The following CNTNAP2 variants were observed in gnomAD, a reference collection of about 807,000 sequenced individuals.
CNTNAP2 encodes the protein contactin-associated protein-like 2.
Under a neutral mutation model 155.2 loss-of-function variants are expected in CNTNAP2, and 98 were observed. The ratio of observed to expected loss-of-function variants is 0.63; its 90% confidence interval spans 0.54 to 0.75. CNTNAP2 has a LOEUF of 0.75. Among genes scored for constraint, CNTNAP2 ranks in the 30% least tolerant of loss-of-function variants. The pLI, the probability that CNTNAP2 is intolerant of heterozygous loss-of-function variation, is 0.00. For missense variants in CNTNAP2, 1,727 were observed against 1,688.1 expected, an observed-to-expected ratio of 1.02 and a Z score of -0.40; for synonymous variants, 651 against 631.2, an observed-to-expected ratio of 1.03 and a Z score of -0.47.
Position 146,755,146 on chromosome 7 carries a change from T to G in CNTNAP2, c.98-19125T>G, listed in dbSNP as rs181202610. The stretch of plus-strand genomic sequence containing the variant: ...TGAGGATGTAATTGGAATTTGTGCC[T>G]GTAAACCTATAAGCTCCAATCCTAA... On this transcript the variant is annotated intron_variant, in intron 1 of 23. Transcript: ENST00000361727. Among the ~76,000 whole-genome samples the G allele has an allele frequency of 1.2e-3, 177 of 152,116 alleles. 1 individual carries two copies. Among genetic ancestry groups the G allele is most frequent in the Non-Finnish European group, 2.9e-4 (20 of 67,870 alleles).
intron 20 of CNTNAP2, among the ~76,000 whole-genome samples, chr7:148,245,657 C>A (rs1796248483): frequency 1.3e-5 from 2 of 152,170 alleles, no homozygotes; most frequent in Non-Finnish European, 2.9e-5. Context: ...GGTTCAAGGT[C>A]TGCAGACTCC....
chr7:146,317,436 G>C (rs4141649), intron 1 of CNTNAP2, among the ~76,000 whole-genome samples: 9,017 of 152,180 alleles, frequency 0.059, 749 homozygotes, highest in African/African-American at 0.18. Context: ...GTACCTGAGA[G>C]TGTTTTTTCC....
intron 1 of CNTNAP2, among the ~76,000 whole-genome samples, chr7:146,211,607 T>C (rs529442089): frequency 6.6e-6 from 1 of 152,136 alleles, no homozygotes; most frequent in African/African-American, 2.4e-5. Flanking sequence ...ACAGAATTTT[T>C]AAAGAGATAT....
chr7:146,405,710 G>C (rs553691309), intron 1 of CNTNAP2, among the ~76,000 whole-genome samples: 1 of 152,136 alleles, frequency 6.6e-6, no homozygotes, highest in African/African-American at 2.4e-5. Context: ...CAAATATTCA[G>C]AATTATCAGG....
intron 15 of CNTNAP2, among the ~76,000 whole-genome samples, chr7:148,081,799 A>T (rs1474972250): frequency 1.3e-5 from 2 of 151,934 alleles, no homozygotes; most frequent in African/African-American, 4.8e-5. Context: ...ATTTTTCCCG[A>T]GCATATGATA....
intron 1 of CNTNAP2, among the ~76,000 whole-genome samples, chr7:146,585,979 T>C (rs1298376545): frequency 6.6e-6 from 1 of 151,456 alleles, no homozygotes; most frequent in Non-Finnish European, 1.5e-5. Flanking sequence ...AACTCCAGCC[T>C]GGGTGACAAA....
intron 3 of CNTNAP2, among the ~76,000 whole-genome samples, chr7:146,869,807 G>A (rs1403210480): frequency 2.0e-5 from 3 of 152,086 alleles, no homozygotes. Flanking sequence ...GCTTTTTCTA[G>A]TTGCACTGTC....
At chr7:146,670,929 C>A (rs1259496931) in intron 1 of CNTNAP2, among the ~76,000 whole-genome samples, 1 of 152,158 alleles carries the variant, frequency 6.6e-6, no homozygotes, top group African/African-American at 2.4e-5. Context: ...AACCCCATTC[C>A]CTTAATATTA....
chr7:146,903,343 C>G (rs921591916), intron 3 of CNTNAP2, among the ~76,000 whole-genome samples: 2 of 152,106 alleles, frequency 1.3e-5, no homozygotes, highest in African/African-American at 4.8e-5. Flanking sequence ...TAACTCTACC[C>G]CAGATCTGTC....
chr7:147,993,636 A>G (rs1801753165), intron 15 of CNTNAP2, among the ~76,000 whole-genome samples: 1 of 152,218 alleles, frequency 6.6e-6, no homozygotes, highest in African/African-American at 2.4e-5. Flanking sequence ...TCCACTCTGA[A>G]CTTTAGATGG....
chr7:148,067,229 C>T (rs772914368), intron 15 of CNTNAP2, among the ~76,000 whole-genome samples: 3 of 152,140 alleles, frequency 2.0e-5, no homozygotes, highest in Admixed American at 6.5e-5. Flanking sequence ...TTTGGGTAGA[C>T]CATTTCAGAG....
At chr7:146,708,097 A>G (rs1373230832) in intron 1 of CNTNAP2, among the ~76,000 whole-genome samples, 1 of 152,178 alleles carries the variant, frequency 6.6e-6, no homozygotes, top group African/African-American at 2.4e-5. Context: ...ACAAGACTCT[A>G]TAAAAAATAC....
chr7:146,232,254 T>C (rs1466543230), intron 1 of CNTNAP2, among the ~76,000 whole-genome samples: 1 of 149,604 alleles, frequency 6.7e-6, no homozygotes, highest in African/African-American at 2.4e-5. Context: ...ATGCCCTGAA[T>C]GCCTGTATGT....
At chr7:147,895,709 C>T (rs1240787170) in intron 13 of CNTNAP2, among the ~76,000 whole-genome samples, 1 of 152,160 alleles carries the variant, frequency 6.6e-6, no homozygotes, top group Non-Finnish European at 1.5e-5. Context: ...AGCCAATTAA[C>T]AGGTAAATAA....
chr7:147,208,284 G>A (rs1402814315), intron 8 of CNTNAP2, among the ~76,000 whole-genome samples: 4 of 151,914 alleles, frequency 2.6e-5, no homozygotes, highest in Non-Finnish European at 5.9e-5. Context: ...TTTTGCCTCA[G>A]GTTTCCTAAA....
At chr7:146,224,352 G>A (rs916341216) in intron 1 of CNTNAP2, among the ~76,000 whole-genome samples, 4 of 151,816 alleles carry the variant, frequency 2.6e-5, no homozygotes, top group African/African-American at 9.7e-5. Context: ...TAATACAATA[G>A]CGATTATGAC....
At chr7:146,624,685 T>G (rs890676002) in intron 1 of CNTNAP2, among the ~76,000 whole-genome samples, 3 of 152,000 alleles carry the variant, frequency 2.0e-5, no homozygotes, top group African/African-American at 4.8e-5. Flanking sequence ...TTGTTCTTTT[T>G]TCAGTATTGT....
chr7:146,318,462 A>G (rs562887432), intron 1 of CNTNAP2, among the ~76,000 whole-genome samples: 2 of 152,282 alleles, frequency 1.3e-5, no homozygotes, highest in Admixed American at 1.3e-4. Context: ...AATTTAAAAA[A>G]TGTCTTATAG....
At chr7:146,998,363 C>T (rs1200558716) in intron 3 of CNTNAP2, among the ~76,000 whole-genome samples, 2 of 151,758 alleles carry the variant, frequency 1.3e-5, no homozygotes, top group East Asian at 1.9e-4. Flanking sequence ...TTATTGATTT[C>T]TAGTTTTATG....
Sources: allele counts gnomAD v4.1 joint callset (sites outside exome capture counted in the v4.1 genomes callset), GRCh38; gene constraint gnomAD v4.1.1; transcripts MANE v1.5; gene names NCBI Gene and HGNC (gene_info 2026-07-23, HGNC 2026-07-21).